Variants in TMEM230 observed in about 807,000 individuals in gnomAD.
The protein encoded by TMEM230 is UPF0414 transmembrane protein C20orf30.
In TMEM230, 10 loss-of-function variants were observed where a neutral mutation model predicts 15.8. The ratio of observed to expected loss-of-function variants is 0.63; its 90% CI spans 0.39 to 1.07. The LOEUF is 1.07. Ranked by LOEUF, TMEM230 falls within the 50% of genes least tolerant of loss-of-function variation. The probability of loss-of-function intolerance (pLI) is 0.01; values close to 1 mark genes in which losing one functional copy is unlikely to be tolerated. For missense variants in TMEM230, 165 were observed against 193.3 expected, an observed-to-expected ratio of 0.85 and a Z score of 0.87; for synonymous variants, 67 against 76.9, an observed-to-expected ratio of 0.87 and a Z score of 0.68.
At chr20:5,074,255 A>T (rs1335899172) in intron 3 of TMEM230, among the ~76,000 whole-genome samples, 3 of 152,212 alleles carry the variant, frequency 2.0e-5, no homozygotes, top group Non-Finnish European at 4.4e-5. Flanking sequence ...TAAAAGCAGA[A>T]CATAAATTTC....
chr20:5,094,914 G>C (rs2089622329), downstream of TMEM230, among the ~76,000 whole-genome samples: 1 of 151,868 alleles, frequency 6.6e-6, no homozygotes, highest in Non-Finnish European at 1.5e-5. Flanking sequence ...GGTTCCTCAT[G>C]GTCACCTCCT....
chr20:5,091,950 A>T (rs975944619), intron 3 of TMEM230, among the ~76,000 whole-genome samples: 1 of 152,164 alleles, frequency 6.6e-6, no homozygotes, highest in Non-Finnish European at 1.5e-5. Context: ...TTTTTTGGTT[A>T]ATGTTTATTT....
chr20:5,087,939 C>T (rs997098381), intron 3 of TMEM230, among the ~76,000 whole-genome samples: 1 of 148,128 alleles, frequency 6.8e-6, no homozygotes, highest in African/African-American at 2.5e-5. Context: ...GTGATCTGCC[C>T]GCGGTGGCCT....
downstream of TMEM230, among the ~76,000 whole-genome samples, chr20:5,065,254 A>T (rs1407010): frequency 0.14 from 20,580 of 146,568 alleles, 1,673 homozygotes; most frequent in African/African-American, 0.24. Context: ...CCCATCTCTC[A>T]AAAAAAAAAA....
At chr20:5,112,661 T>G (rs545697839) in intron 1 of TMEM230, 1 of 1,356,656 alleles carries the variant, frequency 7.4e-7, no homozygotes, top group Non-Finnish European at 9.5e-7. Context: ...CACCTGAATG[T>G]TACGAGAGTT....
rs1261535553 is a variant in TMEM230, at chr20:5,100,768, C to T, written c.*23G>A. ...AAGCTGGGACAGTTCCACTGTGACT[C>T]CTCCTCAGCTATGGGGTGGGTGCTA... On this transcript the variant is annotated 3_prime_UTR_variant, in exon 5 of 5. Transcript: ENST00000342308. 1.2e-5 allele frequency: 20 copies of T among 1,611,066 alleles called. No individual in the cohort carries two copies. The highest frequency in any genetic ancestry group is 1.7e-5 in the Non-Finnish European group (20 of 1,178,938).
At chr20:5,092,806 T>G (rs2089550660) in intron 3 of TMEM230, among the ~76,000 whole-genome samples, 1 of 152,076 alleles carries the variant, frequency 6.6e-6, no homozygotes, top group South Asian at 2.1e-4. Context: ...TGAGAAAATC[T>G]GACATCCTTT....
chr20:5,100,122 T>C lies in TMEM230; in HGVS notation c.*669A>G, dbSNP rs2089796365. 6 of 985,426 alleles carry C rather than the reference T, an allele frequency of 6.1e-6. No individual in the cohort carries two copies. In the African/African-American group the frequency reaches 7.0e-5, roughly 11 times the overall value. 61.0% of individuals were successfully genotyped at this position (985,426 alleles called of 1,614,324 possible). A position where few individuals can be genotyped will look rare whatever the true frequency, so the allele number is the denominator to read the frequency against. On this transcript the variant is annotated 3_prime_UTR_variant, in exon 5 of 5. Coordinates refer to ENST00000342308, the MANE Select transcript of TMEM230 (RefSeq NM_001009923.2). Reference sequence around the variant, plus strand: ...CGTTAAAGGAATAATCTGCAGAACATCTTGATTTACAAGGGACAAAATGAT... The same window carrying C: ...CGTTAAAGGAATAATCTGCAGAACACCTTGATTTACAAGGGACAAAATGAT...
At chr20:5,063,540 C>T (rs1429858273), downstream of TMEM230, among the ~76,000 whole-genome samples, 9 of 152,056 alleles carry the variant, frequency 5.9e-5, no homozygotes, top group Admixed American at 3.3e-4. Flanking sequence ...CTGCCCACCT[C>T]GGCCTCCCAG....
chr20:5,080,389 G>GT (rs765039272), intron 3 of TMEM230, among the ~76,000 whole-genome samples: 1 of 152,120 alleles, frequency 6.6e-6, no homozygotes, highest in Non-Finnish European at 1.5e-5. Flanking sequence ...AAGACTGAAA[G>GT]TTGCTGTGTT....
intron 3 of TMEM230, among the ~76,000 whole-genome samples, chr20:5,089,478 T>C (rs933949005): frequency 2.0e-5 from 3 of 149,916 alleles, no homozygotes; most frequent in African/African-American, 7.4e-5. Flanking sequence ...GGTGGGAAGA[T>C]CACTTTGAGG....
chr20:5,108,050 T>C (rs999357420), intron 3 of TMEM230, among the ~76,000 whole-genome samples: 1 of 150,616 alleles, frequency 6.6e-6, no homozygotes, highest in African/African-American at 2.4e-5. Flanking sequence ...GAGGGGGAGG[T>C]TGCAGTGAGC....
chr20:5,083,208 G>A (rs1314566445), intron 3 of TMEM230, among the ~76,000 whole-genome samples: 2 of 151,568 alleles, frequency 1.3e-5, no homozygotes, highest in African/African-American at 2.4e-5. Flanking sequence ...GATTACAGGC[G>A]TGAGCCACCG....
intron 3 of TMEM230, among the ~76,000 whole-genome samples, chr20:5,093,719 T>C (rs572159222): frequency 6.6e-6 from 1 of 150,644 alleles, no homozygotes; most frequent in South Asian, 2.1e-4. Flanking sequence ...GTATTTTTAG[T>C]AGAGACACAG....
intron 3 of TMEM230, among the ~76,000 whole-genome samples, chr20:5,087,792 G>A (rs78901690): frequency 0.02 from 2,860 of 145,346 alleles, 29 homozygotes; most frequent in Non-Finnish European, 0.03. Flanking sequence ...GCTCCTTTGG[G>A]TAAAGATGAG....
intron 3 of TMEM230, chr20:5,069,452 T>C: frequency 1.7e-6 from 2 of 1,203,120 alleles, no homozygotes; most frequent in Non-Finnish European, 2.3e-6. Flanking sequence ...ATTTTGGTGC[T>C]CCACAACACT....
rs182465801 is a variant in TMEM230, at chr20:5,078,560, C to T, written c.223-9211G>A. Among the ~76,000 whole-genome samples the T allele has an allele frequency of 1.7e-3, 253 of 152,296 alleles. 1 individual carries two copies. Among genetic ancestry groups the T allele is most frequent in the African/African-American group, 5.8e-3 (243 of 41,566 alleles). ...ACACAACAAAGGTGTACTTCACTCT[C>T]GCACTTTGTGTTCATTATGGGTCAA... On this transcript the variant is annotated intron_variant, in intron 3 of 3. Coordinates refer to the TMEM230 transcript ENST00000612323.
At chr20:5,099,758 G>C (rs1429649120), downstream of TMEM230, 7 of 754,344 alleles carry the variant, frequency 9.3e-6, no homozygotes, top group East Asian at 7.7e-4. Context: ...GGAAAGTTGA[G>C]TGTGACCCAC....
intron 4 of TMEM230, among the ~76,000 whole-genome samples, chr20:5,103,972 G>C (rs1406316620): frequency 6.6e-6 from 1 of 151,994 alleles, no homozygotes; most frequent in African/African-American, 2.4e-5. Flanking sequence ...CTTCTGTACA[G>C]CAAAGGAAGA....
Sources: allele counts gnomAD v4.1 joint callset (sites outside exome capture counted in the v4.1 genomes callset), GRCh38; gene constraint gnomAD v4.1.1; transcripts MANE v1.5; gene names NCBI Gene and HGNC (gene_info 2026-07-23, HGNC 2026-07-21).